The following SYNE2 variants were observed in gnomAD, a reference collection of about 807,000 sequenced individuals.
The protein encoded by SYNE2 is nesprin-2.
In SYNE2, 431 loss-of-function variants were observed where a neutral mutation model predicts 856.3. That is an observed-to-expected ratio of 0.50 (90% CI 0.47 to 0.55). The LOEUF is 0.55. SYNE2 is among the 20% of genes least tolerant of loss of function. The pLI, the probability that SYNE2 is intolerant of heterozygous loss-of-function variation, is 0.00. For synonymous variants in SYNE2, 2,923 were observed against 2,872.3 expected (o/e 1.02, Z -0.56); for missense variants, 8,129 against 8,023.2 (o/e 1.01, Z -0.50).
intron 43 of SYNE2, 142 bp downstream of exon 43, chr14:64,027,935 TCTCA>T: frequency 1.4e-6 from 1 of 739,532 alleles, no homozygotes; most frequent in African/African-American, 1.8e-5. Context: ...TGAGACAGGG[TCTCA>T]CTCTTTGCCC....
intron 1 of SYNE2, among the ~76,000 whole-genome samples, chr14:63,869,846 A>C (rs1188790364): frequency 6.6e-6 from 1 of 151,974 alleles, no homozygotes; most frequent in African/African-American, 2.4e-5. Flanking sequence ...TTTATCCCAT[A>C]CCTTCTCCTC....
At chr14:64,210,147 C>T (rs779140953) in intron 103 of SYNE2, 23 bp downstream of exon 103, 28 of 1,611,048 alleles carry the variant, frequency 1.7e-5, no homozygotes, top group South Asian at 9.9e-5. Flanking sequence ...GCACCTGGCT[C>T]GGGTGTAGAT....
At chr14:63,990,676 T>C in intron 20 of SYNE2, 107 bp downstream of exon 20, 2 of 1,019,100 alleles carry the variant, frequency 2.0e-6, no homozygotes, top group Non-Finnish European at 3.0e-6. Context: ...AAATGTTTTG[T>C]AAAATATTAC....
chr14:64,085,195 C>G, intron 57 of SYNE2: 1 of 537,540 alleles, frequency 1.9e-6, no homozygotes, highest in Non-Finnish European at 3.3e-6. Flanking sequence ...ACCTTAGCCT[C>G]CCAGGTAGTT....
chr14:64,125,223 C>T lies in SYNE2; in HGVS notation c.13554+13C>T, dbSNP rs1418669899. 1 of 1,613,948 alleles carries T rather than the reference C, an allele frequency of 6.2e-7. No individual in the cohort carries two copies. Among genetic ancestry groups the T allele is most frequent in the East Asian group, 2.2e-5 (1 of 44,862 alleles). On this transcript the variant is annotated intron_variant, in intron 71 of 115. Transcript: ENST00000555002. ...CCTTCAGACACAGGTAGAAGCTGCA[C>T]ACAATGTGTTTTCCTCATTGTAATA...
At chr14:64,218,683 A>G (rs1177596059) in intron 109 of SYNE2, among the ~76,000 whole-genome samples, 171 bp downstream of exon 109, 3 of 152,232 alleles carry the variant, frequency 2.0e-5, no homozygotes, top group African/African-American at 7.2e-5. Context: ...TCACGAACAA[A>G]TTCCTAGGCT....
At chr14:63,799,459 G>C (rs1389743711) in intron 1 of SYNE2, among the ~76,000 whole-genome samples, 3 of 151,304 alleles carry the variant, frequency 2.0e-5, no homozygotes, top group Non-Finnish European at 2.9e-5. Context: ...ACTTTGGGAG[G>C]CTGAGGCAAG....
At chr14:64,143,747 T>C (rs1361347341) in intron 82 of SYNE2, 25 bp from the exon 83 acceptor site, 8 of 1,613,518 alleles carry the variant, frequency 5.0e-6, no homozygotes, top group Non-Finnish European at 6.8e-6. Flanking sequence ...ATGACTGCTT[T>C]GGTGTTTAAC....
intron 107 of SYNE2, chr14:64,215,839 A>G: frequency 4.0e-6 from 3 of 756,952 alleles, no homozygotes; most frequent in Non-Finnish European, 5.5e-6. Flanking sequence ...CCCCATCCCT[A>G]TCTGCCATGG....
At chr14:64,145,895 T>A (rs2098181505) in intron 83 of SYNE2, among the ~76,000 whole-genome samples, 173 bp from the exon 84 acceptor site, 1 of 152,244 alleles carries the variant, frequency 6.6e-6, no homozygotes, top group Non-Finnish European at 1.5e-5. Context: ...AGAGGAGCTT[T>A]AACTCTGTTT....
intron 1 of SYNE2, among the ~76,000 whole-genome samples, chr14:63,783,372 ACTTCTT>A (rs572775405): frequency 2.6e-5 from 4 of 151,856 alleles, no homozygotes; most frequent in Non-Finnish European, 4.4e-5. Context: ...AGTCTCGGGC[ACTTCTT>A]CTTCTTCTTT....
At chr14:64,085,061 A>G (rs2097550173) in intron 57 of SYNE2, 2 of 694,880 alleles carry the variant, frequency 2.9e-6, no homozygotes, top group Non-Finnish European at 2.6e-6. Context: ...AGCTGTCAAG[A>G]CAGAAGCCAC....
Position 63,787,888 on chromosome 14 carries a change from AG to A in SYNE2, c.-305+25904del, listed in dbSNP as rs1283980219. On this transcript the variant is annotated intron_variant, in intron 1 of 23. Transcript: ENST00000674003. ...CTTACAGGGACCGCTCCCTTTGCCCAGGAGCCTGTCTGCATCCCACTGTGCC... is the reference window on the plus strand; with the variant it reads ...CTTACAGGGACCGCTCCCTTTGCCCAGAGCCTGTCTGCATCCCACTGTGCC... 3.9e-5 allele frequency among the ~76,000 whole-genome samples: 6 copies of A among 152,166 alleles called. No homozygotes were observed. The East Asian group carries it at 1.2e-3, about 29-fold the overall frequency.
intron 108 of SYNE2, among the ~76,000 whole-genome samples, chr14:64,217,322 G>A (rs1464569340): frequency 6.6e-6 from 1 of 152,188 alleles, no homozygotes; most frequent in Admixed American, 6.5e-5. Context: ...GTTGTTTATA[G>A]CAATGGCTGT....
intron 28 of SYNE2, 33 bp downstream of exon 28, chr14:64,000,752 A>G (rs375553320): frequency 8.8e-6 from 14 of 1,586,396 alleles, no homozygotes; most frequent in South Asian, 6.7e-5. Flanking sequence ...CTATGAATCT[A>G]ATAAACTCAC....
At chr14:64,219,083 G>T (rs2098680067) in intron 109 of SYNE2, 125 bp from the exon 110 acceptor site, 1 of 882,594 alleles carries the variant, frequency 1.1e-6, no homozygotes, top group African/African-American at 1.7e-5. Flanking sequence ...TTCTGTCAGG[G>T]GAATCCCCTA....
intron 52 of SYNE2, 21 bp from the exon 53 acceptor site, chr14:64,073,947 T>A: frequency 6.2e-7 from 1 of 1,611,900 alleles, no homozygotes; most frequent in Non-Finnish European, 8.5e-7. Flanking sequence ...GAAACAATTA[T>A]ATTTTGACGT....
intron 1 of SYNE2, among the ~76,000 whole-genome samples, chr14:63,796,617 A>C (rs944616542): frequency 1.3e-5 from 2 of 152,224 alleles, no homozygotes; most frequent in Admixed American, 6.5e-5. Context: ...AAAATGCTTT[A>C]TCAGTCTTCT....
chr14:64,178,154 G>T (rs530176179), intron 96 of SYNE2, among the ~76,000 whole-genome samples: 1 of 152,178 alleles, frequency 6.6e-6, no homozygotes, highest in South Asian at 2.1e-4. Context: ...GGATCAAATT[G>T]AAAAAATTAG....
Sources: allele counts gnomAD v4.1 joint callset (sites outside exome capture counted in the v4.1 genomes callset), GRCh38; gene constraint gnomAD v4.1.1; transcripts MANE v1.5; gene names NCBI Gene and HGNC (gene_info 2026-07-23, HGNC 2026-07-21).